Variants in SRPK2 observed in about 807,000 individuals in gnomAD.
SRPK2 encodes SRSF protein kinase 2.
Under a neutral mutation model 90.8 loss-of-function variants are expected in SRPK2, and 21 were observed. The observed-to-expected ratio is 0.23, with a 90% CI of 0.16 to 0.33. The LOEUF is 0.33. SRPK2 is among the 10% of genes least tolerant of loss of function. The probability of loss-of-function intolerance (pLI) is 1.00; values close to 1 mark genes in which losing one functional copy is unlikely to be tolerated. For missense variants in SRPK2, 620 were observed against 869.0 expected (o/e 0.71, Z 3.60); for synonymous variants, 288 against 311.1 (o/e 0.93, Z 0.78).
intron 2 of SRPK2, among the ~76,000 whole-genome samples, chr7:105,301,236 G>T (rs1810510086): frequency 6.9e-6 from 1 of 145,430 alleles, no homozygotes; most frequent in African/African-American, 2.5e-5. Context: ...GAGGTCAGGA[G>T]ATCAAGACCA....
chr7:105,184,056 A>G (rs1585092574), intron 3 of SRPK2, among the ~76,000 whole-genome samples: 1 of 146,106 alleles, frequency 6.8e-6, no homozygotes, highest in Non-Finnish European at 1.5e-5. Flanking sequence ...GCTCACTGCA[A>G]CCTCCGCCTC....
At chr7:105,127,742 A>G (rs146414555) in intron 13 of SRPK2, among the ~76,000 whole-genome samples, 182 of 115,170 alleles carry the variant, frequency 1.6e-3, no homozygotes, top group African/African-American at 5.3e-3. Flanking sequence ...CCTTGCTCAC[A>G]AAAAAACCCT....
intron 2 of SRPK2, chr7:105,302,213 A>C: frequency 2.7e-6 from 2 of 746,158 alleles, no homozygotes; most frequent in Non-Finnish European, 4.7e-6. Context: ...TTCTTACATT[A>C]AAAAGGTTGT....
At chr7:105,170,957 AAG>A (rs1176197993) in intron 3 of SRPK2, among the ~76,000 whole-genome samples, 3 of 43,524 alleles carry the variant, frequency 6.9e-5, no homozygotes, top group Non-Finnish European at 1.9e-4. Flanking sequence ...GAAAGAAAGA[AAG>A]AAAGAAAGAG....
Position 105,375,752 on chromosome 7 carries a change from G to C in SRPK2, c.71+12896C>G, listed in dbSNP as rs117761346. ...CACAATCCTTGGGACCAGATGTTTC[G>C]CTATTCAAGTTTTTTGGGTTTTCCA... On this transcript the variant is annotated intron_variant, in intron 2 of 15. Transcript: ENST00000393651. 4.7e-3 allele frequency among the ~76,000 whole-genome samples: 709 copies of C among 152,144 alleles called. 11 individuals are homozygous for C. In the East Asian group the frequency reaches 0.055, roughly 12 times the overall value.
Position 105,169,149 on chromosome 7 carries a change from A to T in SRPK2, c.338+8T>A, listed in dbSNP as rs973440816. On this transcript the variant is annotated splice_region_variant and intron_variant, in intron 4 of 15. Coordinates refer to ENST00000393651, the MANE Select transcript of SRPK2 (RefSeq NM_182692.3). The stretch of plus-strand genomic sequence containing the variant: ...GAAACAAATGCACAAATGACAAAGA[A>T]CACTTACTGCATATCCCAGCACAGC... The T allele has an allele frequency of 1.2e-6, 2 of 1,607,152 alleles. No individual in the cohort carries two copies. The highest frequency in any genetic ancestry group is 1.7e-6 in the Non-Finnish European group (2 of 1,175,940).
At chr7:105,302,106 G>A (rs1163849020) in intron 2 of SRPK2, 7 of 1,530,044 alleles carry the variant, frequency 4.6e-6, no homozygotes, top group Non-Finnish European at 6.3e-6. Context: ...TTTGAGACAA[G>A]GAAAGAGCAT....
chr7:105,346,406 G>A (rs1403793031), intron 2 of SRPK2, among the ~76,000 whole-genome samples: 1 of 152,000 alleles, frequency 6.6e-6, no homozygotes, highest in Non-Finnish European at 1.5e-5. Context: ...AACACAGAGG[G>A]TACTCAAACA....
rs55928342 is a variant in SRPK2, at chr7:105,372,136, T to TAA, written c.71+16510_71+16511dup. 4.3e-4 allele frequency among the ~76,000 whole-genome samples: 33 copies of TAA among 76,762 alleles called. 1 individual carries two copies. Among genetic ancestry groups the TAA allele is most frequent in the East Asian group, 1.7e-3 (3 of 1,790 alleles). The allele number at this position is 76,762 out of a possible 152,430, so 50.4% of individuals were successfully genotyped here. ...GGTGACAGAGCAAGACTCCAACTCA[T>TAA]AAAAAAAAAAAAAAAAAAAAAAAAA... On this transcript the variant is annotated intron_variant, in intron 2 of 15. Transcript: ENST00000393651.
chr7:105,166,373 C>T (rs772802315), intron 6 of SRPK2, among the ~76,000 whole-genome samples: 8 of 152,084 alleles, frequency 5.3e-5, no homozygotes, highest in South Asian at 2.1e-4. Flanking sequence ...CGATATCTGA[C>T]GAGATATCAA....
intron 2 of SRPK2, among the ~76,000 whole-genome samples, chr7:105,339,048 T>G (rs957222924): frequency 1.1e-4 from 17 of 152,188 alleles, no homozygotes; most frequent in Non-Finnish European, 2.5e-4. Context: ...AACTAATTTT[T>G]TCAATAATTT....
intron 4 of SRPK2, among the ~76,000 whole-genome samples, 166 bp from the exon 5 acceptor site, chr7:105,168,261 C>T (rs993304971): frequency 6.6e-6 from 1 of 152,206 alleles, no homozygotes; most frequent in African/African-American, 2.4e-5. Flanking sequence ...AAAATTCCAC[C>T]TCTGACTGCA....
chr7:105,181,549 A>T (rs1026641452), intron 3 of SRPK2, among the ~76,000 whole-genome samples: 3 of 152,136 alleles, frequency 2.0e-5, no homozygotes, highest in African/African-American at 4.8e-5. Flanking sequence ...AAAGAACAAG[A>T]TCATGTCCGC....
chr7:105,116,492 T>A lies in SRPK2; in HGVS notation c.*1346A>T, dbSNP rs190737015. ...ACAATCTAGTTATTGCAAAGGCATATGGATAAATGTTAATGGACAAAGTCA... is the reference window on the plus strand; with the variant it reads ...ACAATCTAGTTATTGCAAAGGCATAAGGATAAATGTTAATGGACAAAGTCA... On this transcript the variant is annotated 3_prime_UTR_variant, in exon 16 of 16. Transcript: ENST00000393651. The A allele has an allele frequency of 6.6e-6, 1 of 152,560 alleles. No homozygotes were observed. Among genetic ancestry groups the A allele is most frequent in the Non-Finnish European group, 1.5e-5 (1 of 68,004 alleles). 9.5% of individuals were successfully genotyped at this position (152,560 alleles called of 1,614,324 possible).
At chr7:105,216,383 A>G (rs1797467098) in intron 2 of SRPK2, among the ~76,000 whole-genome samples, 1 of 152,180 alleles carries the variant, frequency 6.6e-6, no homozygotes, top group South Asian at 2.1e-4. Flanking sequence ...GTGACTGGTG[A>G]GATGAAGGAA....
In SRPK2 at chr7:105,120,000, G is replaced by C. The variant is rs989288582; in HGVS notation, c.1916-1978C>G. On this transcript the variant is annotated intron_variant, in intron 15 of 15. Coordinates refer to ENST00000393651, the MANE Select transcript of SRPK2 (RefSeq NM_182692.3). ...AACTATGTCCTACAGATAATCACAA[G>C]ATTATTAAAATGCTCATTAAGATGG... is the stretch of plus-strand genomic sequence containing the variant. Among the ~76,000 whole-genome samples, 10 of 152,138 alleles carry C rather than the reference G, an allele frequency of 6.6e-5. No homozygotes were observed. In the East Asian group the frequency reaches 1.9e-3, roughly 29 times the overall value.
intron 2 of SRPK2, among the ~76,000 whole-genome samples, chr7:105,278,682 T>C (rs116381689): frequency 0.034 from 4,576 of 135,042 alleles, 245 homozygotes; most frequent in African/African-American, 0.12. Flanking sequence ...CCAGACTCCG[T>C]GAAGAAGGAA....
chr7:105,274,553 C>T (rs947819544), intron 2 of SRPK2, among the ~76,000 whole-genome samples: 1 of 151,570 alleles, frequency 6.6e-6, no homozygotes, highest in Admixed American at 6.6e-5. Flanking sequence ...CAGAGCAAGA[C>T]TCCGTCTCAA....
At chr7:105,299,649 T>C (rs1585605933) in intron 2 of SRPK2, among the ~76,000 whole-genome samples, 1 of 152,152 alleles carries the variant, frequency 6.6e-6, no homozygotes, top group Non-Finnish European at 1.5e-5. Context: ...TCCCAGCACT[T>C]TGGGAGGCTA....
Sources: gnomAD v4.1 joint callset for allele counts (sites outside exome capture counted in the v4.1 genomes callset) on GRCh38, gnomAD v4.1.1 for gene constraint, MANE v1.5 for transcripts, NCBI Gene and HGNC (gene_info 2026-07-23, HGNC 2026-07-21) for gene names.